The following ADCY7 variants were observed in gnomAD, a reference collection of about 807,000 sequenced individuals.
ADCY7 encodes the protein adenylate cyclase type 7.
Under a neutral mutation model 120.6 loss-of-function variants are expected in ADCY7, and 72 were observed. The observed-to-expected ratio is 0.60, with a 90% CI of 0.49 to 0.73. ADCY7 has a LOEUF of 0.73. Ranked by LOEUF, ADCY7 falls within the 30% of genes least tolerant of loss-of-function variation. The probability of loss-of-function intolerance (pLI) is 0.00; values close to 1 mark genes in which losing one functional copy is unlikely to be tolerated. For missense variants in ADCY7, 1,227 were observed against 1,486.0 expected (o/e 0.83, Z 2.87); for synonymous variants, 661 against 628.0 (o/e 1.05, Z -0.78).
intron 6 of ADCY7, 29 bp downstream of exon 6, chr16:50,293,531 TC>T (rs1406750815): frequency 1.2e-6 from 2 of 1,609,156 alleles, no homozygotes; most frequent in Non-Finnish European, 1.7e-6. Context: ...GATTAGCATA[TC>T]CCGGGGACTG....
In ADCY7 at chr16:50,311,799, GC is replaced by G. The variant is rs376981269; in HGVS notation, c.2448+29del. ...ACTCTCCAGACAGGTAAGGAGGCTG[GC>G]CCCCCCCCCCCCCCCAAGCTCTGCC... On this transcript the variant is annotated intron_variant, in intron 20 of 25. Coordinates refer to ENST00000673801, the MANE Select transcript of ADCY7 (RefSeq NM_001114.5). The G allele has an allele frequency of 0.15, 133,135 of 877,516 alleles. 4,745 individuals are homozygous for G. The highest frequency in any genetic ancestry group is 0.36 in the African/African-American group (13,804 of 38,542). 54.4% of individuals were successfully genotyped at this position (877,516 alleles called of 1,614,324 possible).
intron 14 of ADCY7, among the ~76,000 whole-genome samples, chr16:50,306,335 G>T (rs1402360090): frequency 6.6e-6 from 1 of 152,184 alleles, no homozygotes; most frequent in Non-Finnish European, 1.5e-5. Flanking sequence ...CAGCCCAGGG[G>T]TGCTGCTATA....
intron 21 of ADCY7, 38 bp downstream of exon 21, chr16:50,312,229 G>C (rs367572238): frequency 1.2e-6 from 2 of 1,609,806 alleles, no homozygotes; most frequent in South Asian, 2.2e-5. Flanking sequence ...GCAGGGAGGC[G>C]GACGGTCCAG....
At chr16:50,303,520 C>G (rs936405710) in intron 10 of ADCY7, among the ~76,000 whole-genome samples, 6 of 152,096 alleles carry the variant, frequency 3.9e-5, no homozygotes, top group Admixed American at 3.3e-4. Flanking sequence ...CTCTGGTGGC[C>G]TTGTGGGTCT....
intron 1 of ADCY7, among the ~76,000 whole-genome samples, chr16:50,252,204 T>C (rs2032778882): frequency 6.6e-6 from 1 of 152,096 alleles, no homozygotes; most frequent in South Asian, 2.1e-4. Context: ...TCTTCCTATG[T>C]GAGATGGGGC....
chr16:50,247,048 A>AC (rs1427966325), intron 1 of ADCY7, among the ~76,000 whole-genome samples: 5 of 152,088 alleles, frequency 3.3e-5, no homozygotes, highest in Admixed American at 6.5e-5. Context: ...TGCTCCAGAG[A>AC]TTGAATGAAT....
At chr16:50,258,933 G>T (rs955032997) in intron 1 of ADCY7, among the ~76,000 whole-genome samples, 1 of 152,100 alleles carries the variant, frequency 6.6e-6, no homozygotes, top group East Asian at 1.9e-4. Context: ...AAAACCTTCC[G>T]TATTCACCCT....
chr16:50,310,841 A>G lies in ADCY7; in HGVS notation c.2315A>G (p.Gln772Arg), dbSNP rs142522711. The change falls in exon 19 of 26, where the codon CAA becomes CGA. Residue 772 changes from glutamine (Q) to arginine (R), a missense_variant. By Grantham distance (43) the Gln-to-Arg change is conservative (BLOSUM62 1). Coordinates refer to ENST00000673801, the MANE Select transcript of ADCY7 (RefSeq NM_001114.5). Reference protein sequence around the residue: ...SPCWQWDCCGQGLGNLTKPNG... With the variant: ...SPCWQWDCCGRGLGNLTKPNG... Reference sequence around the variant, plus strand: ...TGCTGGCAGTGGGACTGCTGCGGCCAAGGCCTGGGCAACCTCACCAAGCCC... The same window carrying G: ...TGCTGGCAGTGGGACTGCTGCGGCCGAGGCCTGGGCAACCTCACCAAGCCC... 3.0e-5 allele frequency: 48 copies of G among 1,612,778 alleles called. No individual in the cohort carries two copies. The African/African-American group carries it at 5.5e-4, about 18-fold the overall frequency.
rs554372990 is a variant in ADCY7 at position 50,315,443 on chromosome 16, G to A, written c.3181G>A (p.Glu1061Lys). ...CCTGATCAACGTCAAAGGCAAAGGC[G>A]AGCTGAGGACTTACTTTGTCTGTAC... ...RGLINVKGKG[E>K]LRTYFVCTDT... is the part of the protein sequence containing the mutation. Residue 1061 changes from glutamate to lysine, a missense_variant, in exon 26 of 26, where the codon GAG becomes AAG. By Grantham distance (56) the Glu-to-Lys change is moderately conservative. Coordinates refer to ENST00000673801, the MANE Select transcript of ADCY7 (RefSeq NM_001114.5). 23 of 1,614,178 alleles carry A rather than the reference G, an allele frequency of 1.4e-5. No individual in the cohort carries two copies. Among genetic ancestry groups the A allele is most frequent in the African/African-American group, 2.7e-5 (2 of 75,054 alleles).
intron 10 of ADCY7, 32 bp downstream of exon 10, chr16:50,301,246 GA>G: frequency 6.5e-7 from 1 of 1,543,286 alleles, no homozygotes; most frequent in Non-Finnish European, 8.8e-7. Flanking sequence ...AGCTGGGGGG[GA>G]CCCGGAGGGA....
At chr16:50,246,349 C>T (rs1408596153) in intron 1 of ADCY7, 1 of 152,054 alleles carries the variant, frequency 6.6e-6, no homozygotes, top group East Asian at 1.9e-4. Flanking sequence ...CCCGGCCTCG[C>T]GGGTGCCCGG....
At chr16:50,314,821 A>C (rs2036709095) in intron 24 of ADCY7, 193 bp from the exon 25 acceptor site, 2 of 636,696 alleles carry the variant, frequency 3.1e-6, no homozygotes, top group African/African-American at 3.6e-5. Context: ...TCTGAAAAAG[A>C]GCTGGCCGGG....
intron 7 of ADCY7, among the ~76,000 whole-genome samples, chr16:50,296,267 G>C (rs751046874): frequency 2.6e-5 from 4 of 151,902 alleles, no homozygotes; most frequent in Non-Finnish European, 5.9e-5. Context: ...TGTCTAGGCT[G>C]GTCTTGAATT....
At chr16:50,306,783 C>T (rs1001289990) in intron 14 of ADCY7, among the ~76,000 whole-genome samples, 1 of 152,146 alleles carries the variant, frequency 6.6e-6, no homozygotes, top group Non-Finnish European at 1.5e-5. Context: ...GCGAAACTTA[C>T]CAAGTGTAAC....
intron 1 of ADCY7, among the ~76,000 whole-genome samples, chr16:50,282,637 G>C (rs1344630038): frequency 6.6e-6 from 1 of 152,080 alleles, no homozygotes; most frequent in Non-Finnish European, 1.5e-5. Context: ...TTGGTGTTTT[G>C]GGATATTATG....
chr16:50,252,642 A>C (rs2032793723), intron 1 of ADCY7, among the ~76,000 whole-genome samples: 1 of 152,238 alleles, frequency 6.6e-6, no homozygotes. Context: ...ACTGAGGCTC[A>C]GAGAGGTGAA....
upstream of ADCY7, among the ~76,000 whole-genome samples, chr16:50,264,713 G>A (rs2033146597): frequency 6.6e-6 from 1 of 152,026 alleles, no homozygotes; most frequent in Non-Finnish European, 1.5e-5. Flanking sequence ...ATGATGTTGA[G>A]TATCTTTTTC....
rs780712730 is a variant in ADCY7, at chr16:50,314,406, G to A, written c.2971G>A (p.Gly991Ser). The A allele has an allele frequency of 1.1e-5, 18 of 1,612,336 alleles. No homozygotes were observed. The highest frequency in any genetic ancestry group is 1.4e-5 in the Non-Finnish European group (17 of 1,179,558). Residue 991 changes from glycine to serine, a missense_variant and splice_region_variant, in exon 24 of 26, where the codon GGC (glycine) becomes AGC (serine). Physicochemically the swap from Gly to Ser is moderately conservative, Grantham distance 56. Coordinates refer to ENST00000673801, the MANE Select transcript of ADCY7 (RefSeq NM_001114.5). ...HSFNSFRLRVGINHGPVIAGV... is the reference protein window; with the variant it reads ...HSFNSFRLRVSINHGPVIAGV... Reference sequence around the variant, plus strand: ...CTTCAACTCCTTCCGCCTCCGCGTCGGTGAGCCCGGGTGATGGAGCGGGGT... The same window carrying A: ...CTTCAACTCCTTCCGCCTCCGCGTCAGTGAGCCCGGGTGATGGAGCGGGGT...
chr16:50,272,521 G>A (rs2033637265), intron 1 of ADCY7, among the ~76,000 whole-genome samples: 1 of 152,224 alleles, frequency 6.6e-6, no homozygotes. Context: ...GGAAACTGAG[G>A]CCCTGGGAGC....
Sources: allele counts gnomAD v4.1 joint callset (sites outside exome capture counted in the v4.1 genomes callset), GRCh38; gene constraint gnomAD v4.1.1; transcripts MANE v1.5; gene names NCBI Gene and HGNC (gene_info 2026-07-23, HGNC 2026-07-21).